Variants in NALF1 observed in about 807,000 individuals in gnomAD.
NALF1 encodes the protein family with sequence similarity 155 member A.
NALF1 carries 3 observed loss-of-function variants against 48.4 expected under a neutral mutation model. The ratio of observed to expected loss-of-function variants is 0.06; its 90% CI spans 0.03 to 0.16. The LOEUF (loss-of-function observed/expected upper bound fraction) is 0.16, where lower values mean the gene tolerates loss of function less well. NALF1 is among the 10% of genes least tolerant of loss of function. The pLI is 1.00. For missense variants in NALF1, 526 were observed against 571.5 expected, an observed-to-expected ratio of 0.92 and a Z score of 0.81; for synonymous variants, 262 against 245.7, an observed-to-expected ratio of 1.07 and a Z score of -0.62.
intron 1 of NALF1, among the ~76,000 whole-genome samples, chr13:107,829,842 G>A (rs891898651): frequency 1.3e-5 from 2 of 152,038 alleles, no homozygotes; most frequent in African/African-American, 2.4e-5. Flanking sequence ...GGGTACATAC[G>A]ATTTTTTAAA....
intron 1 of NALF1, among the ~76,000 whole-genome samples, chr13:107,212,497 G>T (rs979168840): frequency 1.3e-5 from 2 of 152,206 alleles, no homozygotes; most frequent in African/African-American, 4.8e-5. Flanking sequence ...TGTGCCCCAG[G>T]AGGACAGCAA....
intron 1 of NALF1, among the ~76,000 whole-genome samples, chr13:107,606,950 A>C (rs1000400466): frequency 6.6e-6 from 1 of 152,168 alleles, no homozygotes; most frequent in African/African-American, 2.4e-5. Context: ...TATCATTTGC[A>C]CTTTGCTCTG....
intron 1 of NALF1, among the ~76,000 whole-genome samples, chr13:107,848,866 C>T (rs1039045618): frequency 1.3e-5 from 2 of 152,122 alleles, no homozygotes; most frequent in East Asian, 1.9e-4. Context: ...CCAGCATTAC[C>T]GACCTGACAG....
chr13:107,783,551 C>T (rs2138580883), intron 1 of NALF1, among the ~76,000 whole-genome samples: 1 of 152,310 alleles, frequency 6.6e-6, no homozygotes, highest in South Asian at 2.1e-4. Flanking sequence ...TCCTGTTGAT[C>T]TGTGACCTTA....
intron 1 of NALF1, among the ~76,000 whole-genome samples, chr13:107,302,302 A>G (rs745354120): frequency 6.6e-6 from 1 of 152,174 alleles, no homozygotes; most frequent in Non-Finnish European, 1.5e-5. Context: ...TTTTCTTTAT[A>G]AATTACCCAG....
At chr13:107,404,640 A>C (rs1284260930) in intron 1 of NALF1, among the ~76,000 whole-genome samples, 1 of 152,168 alleles carries the variant, frequency 6.6e-6, no homozygotes, top group Non-Finnish European at 1.5e-5. Context: ...TAGAAGGTCA[A>C]CAAATATTTC....
intron 1 of NALF1, among the ~76,000 whole-genome samples, chr13:107,641,232 T>C (rs1419897870): frequency 1.3e-5 from 2 of 151,910 alleles, no homozygotes; most frequent in African/African-American, 2.4e-5. Context: ...GAGGATAGAG[T>C]GGTGGCTCCC....
intron 2 of NALF1, among the ~76,000 whole-genome samples, chr13:107,184,099 G>A (rs1431739314): frequency 6.6e-6 from 1 of 151,084 alleles, no homozygotes; most frequent in Admixed American, 6.6e-5. Flanking sequence ...GTTGATGGGT[G>A]CAGCAAACCA....
At chr13:107,199,341 G>A (rs886862417) in intron 2 of NALF1, among the ~76,000 whole-genome samples, 5 of 152,154 alleles carry the variant, frequency 3.3e-5, no homozygotes, top group South Asian at 2.1e-4. Context: ...TCAGAAGGGC[G>A]AGAAAATTCA....
intron 1 of NALF1, among the ~76,000 whole-genome samples, chr13:107,670,141 G>A (rs1048979399): frequency 2.0e-5 from 3 of 152,116 alleles, no homozygotes; most frequent in Admixed American, 6.6e-5. Flanking sequence ...ATTGTCTCCA[G>A]AGAATTTGCT....
intron 1 of NALF1, among the ~76,000 whole-genome samples, chr13:107,705,842 AT>A (rs960613351): frequency 6.0e-5 from 9 of 150,772 alleles, no homozygotes; most frequent in African/African-American, 2.0e-4. Context: ...TTTCGCTTTT[AT>A]TTTTTTTTCA....
chr13:107,865,591 CA>C, intron 1 of NALF1, 90 bp downstream of exon 1: 1 of 1,505,208 alleles, frequency 6.6e-7, no homozygotes, highest in Non-Finnish European at 8.9e-7. Flanking sequence ...AAACCATAGC[CA>C]AAAAATAATA....
chr13:107,669,898 T>C (rs983260091), intron 1 of NALF1, among the ~76,000 whole-genome samples: 5 of 152,088 alleles, frequency 3.3e-5, no homozygotes, highest in Non-Finnish European at 7.4e-5. Context: ...CACGGAATTA[T>C]ATGGATAATG....
chr13:107,599,584 A>C lies in NALF1; in HGVS notation c.915+266098T>G, dbSNP rs192326464. 2.9e-4 allele frequency among the ~76,000 whole-genome samples: 44 copies of C among 152,282 alleles called. 1 individual carries two copies. The East Asian group carries it at 8.3e-3, about 29-fold the overall frequency. On this transcript the variant is annotated intron_variant, in intron 1 of 2. Coordinates refer to ENST00000375915, the MANE Select transcript of NALF1 (RefSeq NM_001080396.3). ...AATATTCGTTATTGCTAGATTTTTT[A>C]ATTTTTGTAAATCTAATGAGCATAA...
At chr13:107,369,284 G>A (rs1434895250) in intron 1 of NALF1, among the ~76,000 whole-genome samples, 1 of 151,868 alleles carries the variant, frequency 6.6e-6, no homozygotes, top group Non-Finnish European at 1.5e-5. Flanking sequence ...TTTAGTATGT[G>A]CACTATAAAA....
chr13:107,363,198 T>A (rs1883095388), intron 1 of NALF1, among the ~76,000 whole-genome samples: 1 of 152,230 alleles, frequency 6.6e-6, no homozygotes. Flanking sequence ...AAACTTAGCA[T>A]TTTCCAAATG....
intron 1 of NALF1, among the ~76,000 whole-genome samples, chr13:107,504,185 A>C (rs1283328529): frequency 6.7e-6 from 1 of 148,628 alleles, no homozygotes; most frequent in Non-Finnish European, 1.5e-5. Context: ...TGGGAGGCAG[A>C]GGTTTCAGTG....
chr13:107,191,830 C>A (rs918238576), intron 2 of NALF1, among the ~76,000 whole-genome samples: 3 of 118,204 alleles, frequency 2.5e-5, no homozygotes, highest in Non-Finnish European at 5.1e-5. Context: ...TGCCACTATG[C>A]CTATTTTTTT....
intron 1 of NALF1, among the ~76,000 whole-genome samples, chr13:107,612,046 A>AGGGAGAGTGGGGAGTGGGG: frequency 1.1e-5 from 1 of 88,756 alleles, no homozygotes; most frequent in Admixed American, 1.2e-4. Flanking sequence ...GCAGAGAAGG[A>AGGGAGAGTGGGGAGTGGGG]GGGAGAGAGG....
Sources: gnomAD v4.1 joint callset for allele counts (sites outside exome capture counted in the v4.1 genomes callset) on GRCh38, gnomAD v4.1.1 for gene constraint, MANE v1.5 for transcripts, NCBI Gene and HGNC (gene_info 2026-07-23, HGNC 2026-07-21) for gene names.